Variants in ARSD observed in about 807,000 individuals in gnomAD.
ARSD encodes testis tissue sperm-binding protein Li 39a.
ARSD carries 21 observed loss-of-function variants against 32.6 expected under a neutral mutation model. The ratio of observed to expected loss-of-function variants is 0.64; its 90% CI spans 0.46 to 0.93. ARSD has a LOEUF of 0.93. Among genes scored for constraint, ARSD ranks in the 40% least tolerant of loss-of-function variants. The pLI, the probability that ARSD is intolerant of heterozygous loss-of-function variation, is 0.00. For synonymous variants in ARSD, 224 were observed against 237.4 expected (o/e 0.94, Z 0.52); for missense variants, 454 against 520.9 (o/e 0.87, Z 1.25).
At position 2,908,850 on chromosome X, in the gene ARSD, C is replaced by T. The variant is rs1472587459; in HGVS notation, c.1299-8G>A. ...CTGTGGCCATCAATCACCCTGATTT[C>T]ATGAAGAGAACACAGAGCAGAGTCA... is the stretch of plus-strand genomic sequence containing the variant. On this transcript the variant is annotated splice_region_variant and splice_polypyrimidine_tract_variant and intron_variant, in intron 8 of 9. Coordinates refer to ENST00000381154, the MANE Select transcript of ARSD (RefSeq NM_001669.4). The T allele has an allele frequency of 1.7e-6, 2 of 1,211,147 alleles. No homozygotes were observed. Among genetic ancestry groups the T allele is most frequent in the South Asian group, 3.5e-5 (2 of 56,916 alleles).
rs1462440962 is a variant in ARSD, at chrX:2,904,104, C to T, written c.*3167G>A. The stretch of plus-strand genomic sequence containing the variant: ...GTACCTACCCCCTGGACTGCAGCAA[C>T]TTTATTACCTTAACTAGCACAGAAC... On this transcript the variant is annotated 3_prime_UTR_variant, in exon 10 of 10. Transcript: ENST00000381154. 9.0e-6 allele frequency: 1 copy of T among 111,588 alleles called. No individual in the cohort carries two copies. Among genetic ancestry groups the T allele is most frequent in the Non-Finnish European group, 1.9e-5 (1 of 53,180 alleles). 9.2% of individuals were successfully genotyped at this position (111,588 alleles called of 1,213,427 possible).
chrX:2,921,353 ATCTT>A (rs891466674), intron 3 of ARSD, among the ~76,000 whole-genome samples: 5 of 111,817 alleles, frequency 4.5e-5, no homozygotes, highest in East Asian at 2.8e-4. Context: ...TCTATCACTT[ATCTT>A]TCTATCATCA....
rs750994925 is a variant in ARSD at position 2,921,985 on chromosome X, C to A, written c.234G>T (p.Arg78Ser). ...GGGCGGCCGCCAGGTGCTGAGTGAG[C>A]CTCACACCTTCCTCTGCAAGCTGGT... ...NIDQLAEEGV[R>S]LTQHLAAAPL... The change falls in exon 3 of 10, where the codon AGG becomes AGT. Residue 78 changes from arginine to serine, a missense_variant. Arg to Ser is a moderately radical substitution (Grantham distance 110, BLOSUM62 -1). Transcript: ENST00000381154. 2.5e-6 allele frequency: 3 copies of A among 1,209,649 alleles called. No individual in the cohort carries two copies. Among genetic ancestry groups the A allele is most frequent in the Non-Finnish European group, 3.4e-6 (3 of 894,645 alleles).
In ARSD at chrX:2,918,146, T is replaced by G. The variant is rs772894620; in HGVS notation, c.521A>C (p.Tyr174Ser). The G allele has an allele frequency of 4.2e-6, 5 of 1,200,463 alleles. No individual in the cohort carries two copies. In the Admixed American group the frequency reaches 1.1e-4, roughly 27 times the overall value. ...GTTTGTGAGCGTGAAGGGCATGCCG[T>G]AGAAATAGTCAAATCCGTGGTTCAG... is the stretch of plus-strand genomic sequence containing the variant. ...HPLNHGFDYF[Y>S]GMPFTLTNDC... Residue 174 changes from tyrosine to serine, a missense_variant, in exon 5 of 10, where the codon TAC (tyrosine) becomes TCC (serine). Tyr to Ser is a moderately radical substitution (Grantham distance 144). This residue lies in a region of ARSD where 271 missense variants were observed against 301.0 expected (regional missense o/e 0.90). Coordinates refer to ENST00000381154, the MANE Select transcript of ARSD (RefSeq NM_001669.4).
At chrX:2,928,257 C>T (rs967738498) in intron 1 of ARSD, among the ~76,000 whole-genome samples, 1 of 96,546 alleles carries the variant, frequency 1.0e-5, no homozygotes, top group African/African-American at 3.9e-5. Flanking sequence ...AGGGAAGTAA[C>T]GGCCGCGCTT....
At chrX:2,908,440 C>T (rs1404926573) in intron 9 of ARSD, among the ~76,000 whole-genome samples, 21 of 109,108 alleles carry the variant, frequency 1.9e-4, no homozygotes, top group African/African-American at 7.0e-4. Flanking sequence ...TCTTATCTAT[C>T]CATTATCTAT....
At chrX:2,917,720 C>T in intron 5 of ARSD, 84 bp downstream of exon 5, 2 of 1,006,752 alleles carry the variant, frequency 2.0e-6, no homozygotes, top group South Asian at 2.4e-5. Context: ...ATCCTCCCAT[C>T]TTGGCCTCCC....
chrX:2,913,089 T>C (rs1358676607), intron 6 of ARSD, among the ~76,000 whole-genome samples: 1 of 112,047 alleles, frequency 8.9e-6, no homozygotes, highest in Non-Finnish European at 1.9e-5. Context: ...TTGTATACTT[T>C]AGGGAGACAT....
intron 4 of ARSD, chrX:2,920,365 T>G: frequency 2.7e-6 from 1 of 366,525 alleles, no homozygotes; most frequent in Non-Finnish European, 4.7e-6. Flanking sequence ...GAAAACGGGA[T>G]CTTTTTTTTT....
Position 2,917,831 on chromosome X carries a change from A to G in ARSD, c.836T>C (p.Leu279Pro). The change falls in exon 5 of 10, where the codon CTA becomes CCA. Residue 279 changes from leucine to proline, a missense_variant. By Grantham distance (98) the Leu-to-Pro change is moderately conservative. Coordinates refer to ENST00000381154, the MANE Select transcript of ARSD (RefSeq NM_001669.4). ...TTCAATATAGGAAACAGCTTCCTTT[A>G]GCATAAGACTCGCTGTTTTCTCCAG... ...MVLEKTASLM[L>P]KEAVSYIERH... is the part of the protein sequence containing the mutation. 1.7e-6 allele frequency: 2 copies of G among 1,209,120 alleles called. No individual in the cohort carries two copies. The highest frequency in any genetic ancestry group is 2.2e-6 in the Non-Finnish European group (2 of 893,701).
In ARSD at chrX:2,914,429, G is replaced by T. The variant is rs776333204; in HGVS notation, c.1000+1127C>A. 8.6e-5 allele frequency: 42 copies of T among 486,786 alleles called. 1 individual carries two copies. In the East Asian group the frequency reaches 8.7e-4, roughly 10 times the overall value. 40.1% of individuals were successfully genotyped at this position (486,786 alleles called of 1,213,427 possible). A position where few individuals can be genotyped will look rare whatever the true frequency, so the allele number is the denominator to read the frequency against. On this transcript the variant is annotated intron_variant, in intron 6 of 9. Coordinates refer to ENST00000381154, the MANE Select transcript of ARSD (RefSeq NM_001669.4). ...ATTTTTTGTAGAGATGGGGGGGGGG[G>T]GCGTCTCACTATGTTGCCCAGGCTG...
chrX:2,906,311 G>A lies in ARSD; in HGVS notation c.*960C>T, dbSNP rs1386580046. The A allele has an allele frequency of 1.8e-5, 2 of 110,350 alleles. No individual in the cohort carries two copies. Among genetic ancestry groups the A allele is most frequent in the Non-Finnish European group, 3.8e-5 (2 of 52,872 alleles). The allele number at this position is 110,350 out of a possible 1,213,427, so 9.1% of individuals were successfully genotyped here. ...CGCCACGACATCTAGCTAATTATTT[G>A]TTTTTTGTAGAGATGAGGTCTCACT... On this transcript the variant is annotated 3_prime_UTR_variant, in exon 10 of 10. Transcript: ENST00000381154.
Position 2,922,070 on chromosome X carries a change from T to G in ARSD, c.195-46A>C, listed in dbSNP as rs2089034308. The G allele has an allele frequency of 4.3e-6, 5 of 1,167,963 alleles. No individual in the cohort carries two copies. The African/African-American group carries it at 8.7e-5, about 20-fold the overall frequency. ...TCATTGTTGGAAGGGAGACATGCAT[T>G]TGGCTTAAGCAGATCCCTGCTCTGA... is the stretch of plus-strand genomic sequence containing the variant. On this transcript the variant is annotated intron_variant, in intron 2 of 9. Coordinates refer to ENST00000381154, the MANE Select transcript of ARSD (RefSeq NM_001669.4).
rs773083038 is a variant in ARSD at position 2,912,604 on chromosome X, C to T, written c.1001-1811G>A. On this transcript the variant is annotated intron_variant, in intron 6 of 9. Coordinates refer to ENST00000381154, the MANE Select transcript of ARSD (RefSeq NM_001669.4). ...TCTTTCGGTCGACCCCAAGATACCA[C>T]CAATACAAAACACAGAATGAACACA... Among the ~76,000 whole-genome samples, 4 of 111,581 alleles carry T rather than the reference C, an allele frequency of 3.6e-5. No individual in the cohort carries two copies. The South Asian group carries it at 1.2e-3, about 32-fold the overall frequency.
At chrX:2,925,331 C>T (rs756127052) in intron 2 of ARSD, among the ~76,000 whole-genome samples, 8 of 112,748 alleles carry the variant, frequency 7.1e-5, no homozygotes, top group Admixed American at 2.8e-4. Flanking sequence ...TCCCATAGGG[C>T]CCCCAGAGGG....
At chrX:2,916,861 C>G (rs2088965738) in intron 5 of ARSD, among the ~76,000 whole-genome samples, 1 of 111,414 alleles carries the variant, frequency 9.0e-6, no homozygotes, top group Admixed American at 9.6e-5. Context: ...GAGATGGACA[C>G]TGTAAGTATG....
chrX:2,914,242 T>TG (rs2088930200), intron 6 of ARSD: 1 of 748,206 alleles, frequency 1.3e-6, no homozygotes, highest in South Asian at 6.8e-5. Flanking sequence ...TTTCTTTTTT[T>TG]TTTTGGAGAC....
intron 6 of ARSD, among the ~76,000 whole-genome samples, 162 bp downstream of exon 6, chrX:2,915,394 A>G (rs772215229): frequency 8.9e-6 from 1 of 112,137 alleles, no homozygotes; most frequent in Non-Finnish European, 1.9e-5. Context: ...ACCTCAGGTG[A>G]TCCGCCCGCC....
At chrX:2,920,441 GC>G (rs1366864942) in intron 4 of ARSD, 159 bp downstream of exon 4, 1 of 683,225 alleles carries the variant, frequency 1.5e-6, no homozygotes, top group East Asian at 3.5e-5. Context: ...TGTGATCTCG[GC>G]TCCCTGCAAC....
Sources: allele counts gnomAD v4.1 joint callset (sites outside exome capture counted in the v4.1 genomes callset), GRCh38; gene constraint gnomAD v4.1.1; regional missense constraint gnomAD v4.1.1; transcripts MANE v1.5; gene names NCBI Gene and HGNC (gene_info 2026-07-23, HGNC 2026-07-21).